The following MACROD2 variants were observed in gnomAD, a reference collection of about 807,000 sequenced individuals.
MACROD2 encodes the protein mono-ADP ribosylhydrolase 2, also known as ADP-ribose glycohydrolase MACROD2.
Under a neutral mutation model 70.4 loss-of-function variants are expected in MACROD2, and 36 were observed. The observed-to-expected ratio is 0.51, with a 90% CI of 0.39 to 0.68. The LOEUF is 0.68. MACROD2 is among the 30% of genes least tolerant of loss of function. The pLI, the probability that MACROD2 is intolerant of heterozygous loss-of-function variation, is 0.00. For missense variants in MACROD2, 496 were observed against 538.4 expected, an observed-to-expected ratio of 0.92 and a Z score of 0.78; for synonymous variants, 172 against 178.8, an observed-to-expected ratio of 0.96 and a Z score of 0.30.
At chr20:14,930,189 T>A in intron 5 of MACROD2, among the ~76,000 whole-genome samples, 1 of 135,416 alleles carries the variant, frequency 7.4e-6, no homozygotes, top group Non-Finnish European at 1.6e-5. Flanking sequence ...TGTACATGAG[T>A]TTTGTGTCAG....
At position 15,352,709 on chromosome 20, in the gene MACROD2, G is replaced by C. The variant is rs987752539; in HGVS notation, c.541-78696G>C. Among the ~76,000 whole-genome samples the C allele has an allele frequency of 4.6e-5, 7 of 152,090 alleles. No homozygotes were observed. The South Asian group carries it at 8.3e-4, about 18-fold the overall frequency. On this transcript the variant is annotated intron_variant, in intron 6 of 17. Transcript: ENST00000684519. ...CACAAGCATTCTTATACACCAATAA[G>C]AGACAAACAGAGAGCCAAATCATGA... is the stretch of plus-strand genomic sequence containing the variant.
At chr20:15,827,516 C>T (rs2064010223) in intron 8 of MACROD2, among the ~76,000 whole-genome samples, 1 of 152,124 alleles carries the variant, frequency 6.6e-6, no homozygotes, top group Non-Finnish European at 1.5e-5. Context: ...TCTTCAAAAC[C>T]TACCTGACAT....
chr20:14,100,730 T>TA (rs2054289861), intron 3 of MACROD2, among the ~76,000 whole-genome samples: 1 of 133,080 alleles, frequency 7.5e-6, no homozygotes, highest in African/African-American at 2.7e-5. Flanking sequence ...TTATATATAA[T>TA]ATATATAAAT....
intron 4 of MACROD2, among the ~76,000 whole-genome samples, chr20:14,640,320 G>C (rs1028261525): frequency 1.3e-5 from 2 of 152,174 alleles, no homozygotes; most frequent in African/African-American, 4.8e-5. Flanking sequence ...TGTTGACATA[G>C]TCACAAGTTT....
At chr20:14,883,597 T>TAA (rs11087111) in intron 5 of MACROD2, among the ~76,000 whole-genome samples, 87 of 149,548 alleles carry the variant, frequency 5.8e-4, no homozygotes, top group East Asian at 3.9e-3. Flanking sequence ...CTGACTCACT[T>TAA]AAAAAAAAAA....
At chr20:16,030,058 G>A (rs566687877) in intron 15 of MACROD2, among the ~76,000 whole-genome samples, 5 of 152,154 alleles carry the variant, frequency 3.3e-5, no homozygotes, top group African/African-American at 1.2e-4. Flanking sequence ...GGCTAAGAAA[G>A]AAAACAGCAA....
chr20:14,382,189 G>A (rs2083427882), intron 3 of MACROD2, among the ~76,000 whole-genome samples: 1 of 151,510 alleles, frequency 6.6e-6, no homozygotes, highest in South Asian at 2.1e-4. Flanking sequence ...AGACTCCCGA[G>A]TAGCTGGGAC....
At chr20:15,828,434 A>G (rs1440840812) in intron 8 of MACROD2, among the ~76,000 whole-genome samples, 2 of 152,160 alleles carry the variant, frequency 1.3e-5, no homozygotes, top group African/African-American at 4.8e-5. Context: ...TCCCCTCAAA[A>G]TGATCAGATT....
intron 3 of MACROD2, among the ~76,000 whole-genome samples, chr20:14,221,167 T>G (rs1194748366): frequency 6.6e-6 from 1 of 152,260 alleles, no homozygotes; most frequent in African/African-American, 2.4e-5. Context: ...TTCTTTATTC[T>G]TTGCATCCTT....
At chr20:16,015,160 T>G (rs1172673585) in intron 15 of MACROD2, among the ~76,000 whole-genome samples, 1 of 152,220 alleles carries the variant, frequency 6.6e-6, no homozygotes, top group East Asian at 1.9e-4. Context: ...TGTTTTTAAT[T>G]TAACAATATT....
intron 13 of MACROD2, among the ~76,000 whole-genome samples, chr20:15,984,775 A>G (rs1372048969): frequency 6.6e-6 from 1 of 152,148 alleles, no homozygotes; most frequent in Admixed American, 6.5e-5. Flanking sequence ...AAAACCTTGT[A>G]AGTTTGGGAT....
intron 8 of MACROD2, among the ~76,000 whole-genome samples, chr20:15,760,686 TG>T (rs2051423437): frequency 6.6e-6 from 1 of 152,186 alleles, no homozygotes; most frequent in East Asian, 1.9e-4. Context: ...ACTTCAAGCA[TG>T]CACACACCGA....
intron 3 of MACROD2, among the ~76,000 whole-genome samples, chr20:14,387,298 T>C (rs1336133806): frequency 6.6e-6 from 1 of 152,208 alleles, no homozygotes. Flanking sequence ...TTCTTCCCCC[T>C]CTCCAAGGAT....
At chr20:14,256,702 A>G (rs1413500832) in intron 3 of MACROD2, among the ~76,000 whole-genome samples, 1 of 152,024 alleles carries the variant, frequency 6.6e-6, no homozygotes, top group Non-Finnish European at 1.5e-5. Flanking sequence ...AGTCTTTCCT[A>G]TTTGTTAGGC....
At chr20:15,165,818 G>A in intron 5 of MACROD2, among the ~76,000 whole-genome samples, 1 of 151,958 alleles carries the variant, frequency 6.6e-6, no homozygotes, top group East Asian at 1.9e-4. Flanking sequence ...TTAACATTAA[G>A]AAATATATTA....
rs377541728 is a variant in MACROD2, at chr20:14,732,253, A to T, written c.418+47294A>T. Among the ~76,000 whole-genome samples, 77 of 152,268 alleles carry T rather than the reference A, an allele frequency of 5.1e-4. 1 individual carries two copies. In the East Asian group the frequency reaches 0.014, roughly 28 times the overall value. ...TATGTAGCAACATCTATTGGGAAAA[A>T]TAAAGCATGTGTGTATTTGGGGGCA... On this transcript the variant is annotated intron_variant, in intron 5 of 17. Coordinates refer to ENST00000684519, the MANE Select transcript of MACROD2 (RefSeq NM_001351661.2).
At chr20:14,629,952 G>GTTCTATCTATCTATCT (rs201078091) in intron 4 of MACROD2, among the ~76,000 whole-genome samples, 97 of 129,138 alleles carry the variant, frequency 7.5e-4, no homozygotes, top group South Asian at 5.1e-4. Context: ...TATGTGCTAA[G>GTTCTATCTATCTATCT]GTCTATCTAT....
intron 12 of MACROD2, among the ~76,000 whole-genome samples, chr20:15,949,374 C>T (rs2065873952): frequency 6.6e-6 from 1 of 152,118 alleles, no homozygotes; most frequent in African/African-American, 2.4e-5. Flanking sequence ...TGAATCATCA[C>T]CAAATCAAGA....
chr20:14,238,747 G>T, intron 3 of MACROD2, among the ~76,000 whole-genome samples: 1 of 151,772 alleles, frequency 6.6e-6, no homozygotes, highest in East Asian at 1.9e-4. Flanking sequence ...GCAGCCTTCT[G>T]ACCAGGCCCA....
Sources: gnomAD v4.1 joint callset for allele counts (sites outside exome capture counted in the v4.1 genomes callset) on GRCh38, gnomAD v4.1.1 for gene constraint, MANE v1.5 for transcripts, NCBI Gene and HGNC (gene_info 2026-07-23, HGNC 2026-07-21) for gene names.